GLB1: variants seen among roughly 807,000 people sequenced by gnomAD.
GLB1 encodes beta-galactosidase.
A neutral mutation model predicts 74.0 loss-of-function variants in GLB1; 56 were observed. The observed-to-expected ratio is 0.76, with a 90% CI of 0.61 to 0.94. The LOEUF is 0.94. Ranked by LOEUF, GLB1 falls within the 40% of genes least tolerant of loss-of-function variation. The pLI is 0.00. For synonymous variants in GLB1, 323 were observed against 323.6 expected (o/e 1.00, Z 0.02); for missense variants, 787 against 845.5 (o/e 0.93, Z 0.86).
chr3:33,012,093 G>A (rs185617679), intron 15 of GLB1, among the ~76,000 whole-genome samples: 5 of 152,118 alleles, frequency 3.3e-5, no homozygotes, highest in East Asian at 1.9e-4. Context: ...TCAGCCTTAC[G>A]TCCTCTTTTC....
the GLB1 span, among the ~76,000 whole-genome samples, chr3:32,973,878 C>G: frequency 0.034 from 5,168 of 152,180 alleles, 216 homozygotes; most frequent in East Asian, 0.17. Flanking sequence ...TTGAGCAAAG[C>G]TGAGATTGTA....
the GLB1 span, among the ~76,000 whole-genome samples, chr3:32,986,527 C>T: frequency 4.6e-5 from 7 of 152,236 alleles, no homozygotes; most frequent in South Asian, 1.2e-3. Flanking sequence ...TGCCCATCCC[C>T]GTCACCTATG....
chr3:33,026,133 C>CAGCTACCA, intron 10 of GLB1, among the ~76,000 whole-genome samples: 1 of 152,172 alleles, frequency 6.6e-6, no homozygotes, highest in Non-Finnish European at 1.5e-5. Context: ...TACCAAGCTG[C>CAGCTACCA]AGCTGCAGAC....
the GLB1 span, among the ~76,000 whole-genome samples, chr3:32,976,391 T>C: frequency 6.6e-6 from 1 of 152,218 alleles, no homozygotes; most frequent in Non-Finnish European, 1.5e-5. Context: ...ATGAGAACTC[T>C]TGCAGGCTGC....
At chr3:33,062,055 T>C (rs1699463980) in intron 5 of GLB1, among the ~76,000 whole-genome samples, 1 of 152,182 alleles carries the variant, frequency 6.6e-6, no homozygotes, top group Non-Finnish European at 1.5e-5. Flanking sequence ...TCCCTGGCCA[T>C]CTCAAACTCT....
intron 1 of GLB1, chr3:33,096,679 C>A (rs1403593446): frequency 2.6e-6 from 3 of 1,150,074 alleles, no homozygotes; most frequent in Non-Finnish European, 2.1e-6. Context: ...AACTTGGAAT[C>A]CCCTCCCGGA....
intron 13 of GLB1, among the ~76,000 whole-genome samples, 189 bp downstream of exon 13, chr3:33,018,259 C>A (rs1697316481): frequency 7.8e-6 from 1 of 128,368 alleles, no homozygotes; most frequent in Non-Finnish European, 1.5e-5. Context: ...GCACTCCAGG[C>A]TGGGCAACAG....
Position 33,089,112 on chromosome 3 carries a change from T to C in GLB1, c.75+7899A>G, listed in dbSNP as rs186571108. The stretch of plus-strand genomic sequence containing the variant: ...AGAATGAAGTTGGACCCTTATCTTA[T>C]ACCATACACAAAAATTAATTCAATA... On this transcript the variant is annotated intron_variant, in intron 1 of 15. Transcript: ENST00000307363. Among the ~76,000 whole-genome samples the C allele has an allele frequency of 3.0e-4, 45 of 152,288 alleles. 1 individual carries two copies. The highest frequency in any genetic ancestry group is 6.8e-3 in the Middle Eastern group (2 of 294).
intron 1 of GLB1, chr3:33,092,310 C>A (rs1322108653): frequency 1.0e-6 from 1 of 987,020 alleles, no homozygotes; most frequent in Non-Finnish European, 1.2e-6. Flanking sequence ...AGAAAATATT[C>A]TTCTCTAGCA....
intron 1 of GLB1, among the ~76,000 whole-genome samples, chr3:33,078,527 G>A (rs1167729648): frequency 1.3e-5 from 2 of 152,064 alleles, no homozygotes; most frequent in East Asian, 1.9e-4. Flanking sequence ...AATCACAATT[G>A]AACCCGAATC....
intron 1 of GLB1, 188 bp downstream of exon 1, chr3:33,096,823 G>T (rs1160878251): frequency 5.1e-6 from 7 of 1,363,820 alleles, no homozygotes; most frequent in African/African-American, 1.6e-5. Context: ...CGCGCGCCCC[G>T]CCCGGCCCGC....
chr3:32,974,633 C>T, the GLB1 span, among the ~76,000 whole-genome samples: 1 of 152,260 alleles, frequency 6.6e-6, no homozygotes, highest in East Asian at 1.9e-4. Flanking sequence ...GTCCAAAGGC[C>T]TAAGGACCAG....
intron 1 of GLB1, chr3:33,092,283 G>C: frequency 1.0e-6 from 1 of 986,720 alleles, no homozygotes; most frequent in Non-Finnish European, 1.2e-6. Flanking sequence ...AGGTGATCCT[G>C]ATAGAATCAG....
At chr3:33,053,640 C>T in intron 6 of GLB1, 91 bp from the exon 7 acceptor site, 1 of 1,541,608 alleles carries the variant, frequency 6.5e-7, no homozygotes, top group Non-Finnish European at 8.9e-7. Context: ...GGGCCTGAAG[C>T]CCTGCTACGG....
At chr3:32,975,314 G>A in the GLB1 span, among the ~76,000 whole-genome samples, 1 of 152,060 alleles carries the variant, frequency 6.6e-6, no homozygotes, top group Non-Finnish European at 1.5e-5. Context: ...CAAAGTCCTG[G>A]GCTCAAATGA....
chr3:33,034,008 T>C, intron 10 of GLB1: 1 of 547,120 alleles, frequency 1.8e-6, no homozygotes, highest in Non-Finnish European at 3.6e-6. Context: ...GGGCAGATCC[T>C]CATTGCCAAC....
intron 10 of GLB1, among the ~76,000 whole-genome samples, chr3:33,040,618 T>C (rs1420741793): frequency 6.6e-6 from 1 of 151,624 alleles, no homozygotes; most frequent in African/African-American, 2.4e-5. Flanking sequence ...CTAAGAACAA[T>C]GACAACAACA....
chr3:33,052,928 T>C (rs948236546), intron 7 of GLB1: 5 of 184,338 alleles, frequency 2.7e-5, no homozygotes, highest in African/African-American at 2.4e-5. Context: ...GAAAAGGCTG[T>C]TTTATAAATC....
intron 6 of GLB1, among the ~76,000 whole-genome samples, chr3:33,055,554 G>A (rs1001950546): frequency 5.3e-5 from 8 of 150,428 alleles, no homozygotes; most frequent in Non-Finnish European, 8.9e-5. Flanking sequence ...TCTGGCTCCC[G>A]GGTTCAAGCA....
Sources: allele counts gnomAD v4.1 joint callset (sites outside exome capture counted in the v4.1 genomes callset), GRCh38; gene constraint gnomAD v4.1.1; transcripts MANE v1.5; gene names NCBI Gene and HGNC (gene_info 2026-07-23, HGNC 2026-07-21).